DAB1: variants seen among roughly 807,000 people sequenced by gnomAD.
DAB1 encodes DAB adaptor protein 1.
In DAB1, 15 loss-of-function variants were observed where a neutral mutation model predicts 64.6. That is an observed-to-expected ratio of 0.23 (90% confidence interval 0.16 to 0.36). The LOEUF (loss-of-function observed/expected upper bound fraction) is 0.36. Ranked by LOEUF, DAB1 falls within the 10% of genes least tolerant of loss-of-function variation. The pLI is 1.00. For synonymous variants in DAB1, 235 were observed against 251.9 expected, an observed-to-expected ratio of 0.93 and a Z score of 0.64; for missense variants, 596 against 706.7, an observed-to-expected ratio of 0.84 and a Z score of 1.78.
chr1:57,994,755 A>AT (rs1646399802), intron 5 of DAB1, among the ~76,000 whole-genome samples: 2 of 152,178 alleles, frequency 1.3e-5, no homozygotes, highest in South Asian at 4.1e-4. Context: ...AGAATAGATG[A>AT]GCATACACCT....
chr1:58,421,732 G>C (rs777991186), intron 3 of DAB1, among the ~76,000 whole-genome samples: 61 of 152,306 alleles, frequency 4.0e-4, no homozygotes, highest in Non-Finnish European at 7.6e-4. Flanking sequence ...CTGGTGGAGA[G>C]AGGACTCAGA....
intron 5 of DAB1, among the ~76,000 whole-genome samples, chr1:58,075,812 C>T (rs74456100): frequency 0.028 from 4,338 of 152,246 alleles, 191 homozygotes; most frequent in African/African-American, 0.099. Context: ...CTGGCTCTAT[C>T]TCTGTCCCTC....
At chr1:58,156,961 G>A (rs762735922) in intron 4 of DAB1, among the ~76,000 whole-genome samples, 17 of 152,158 alleles carry the variant, frequency 1.1e-4, no homozygotes, top group African/African-American at 4.1e-4. Context: ...TGTGTAAAAT[G>A]GTAGTAACAG....
chr1:58,177,175 T>C (rs954927593), intron 4 of DAB1, among the ~76,000 whole-genome samples: 12 of 152,290 alleles, frequency 7.9e-5, no homozygotes, highest in African/African-American at 2.6e-4. Context: ...AGGAAAATGA[T>C]AAGCTAGAAC....
chr1:57,084,823 T>C (rs999642367), intron 4 of DAB1, among the ~76,000 whole-genome samples: 3 of 152,144 alleles, frequency 2.0e-5, no homozygotes, highest in Admixed American at 2.0e-4. Context: ...TATCCAATTA[T>C]TTCCCATTTA....
At chr1:57,166,173 A>G (rs1266167062) in intron 2 of DAB1, among the ~76,000 whole-genome samples, 3 of 152,126 alleles carry the variant, frequency 2.0e-5, no homozygotes, top group African/African-American at 7.2e-5. Context: ...AGGTATTGTT[A>G]TTTTTTTAAT....
downstream of DAB1, among the ~76,000 whole-genome samples, chr1:57,821,249 C>T (rs1652104652): frequency 6.6e-6 from 1 of 151,988 alleles, no homozygotes; most frequent in Non-Finnish European, 1.5e-5. Context: ...ATGATGCAGC[C>T]AGCACGTATG....
chr1:58,242,512 T>G (rs746307957), intron 4 of DAB1, among the ~76,000 whole-genome samples: 1 of 152,132 alleles, frequency 6.6e-6, no homozygotes. Context: ...TAGTTATACA[T>G]CTAAAGAGAT....
chr1:57,946,862 T>C (rs1645191622), intron 5 of DAB1, among the ~76,000 whole-genome samples: 1 of 152,214 alleles, frequency 6.6e-6, no homozygotes, highest in South Asian at 2.1e-4. Context: ...ATATGCTTCC[T>C]GCAGGGACCC....
rs143150005 is a variant in DAB1, at chr1:57,869,179, G to A, written n.87+14820C>T. Among the ~76,000 whole-genome samples, 661 of 152,126 alleles carry A rather than the reference G, an allele frequency of 4.3e-3. 1 individual carries two copies. Among genetic ancestry groups the A allele is most frequent in the Admixed American group, 6.8e-3 (104 of 15,264 alleles). On this transcript the variant is annotated intron_variant and non_coding_transcript_variant, in intron 1 of 1. Coordinates refer to the DAB1 transcript ENST00000477280. Reference sequence around the variant, plus strand: ...ACTAAGGAAAAGTGACTTATCCTTCGTCTCTGAGAGTATTTCCTCATGGGT... The same window carrying A: ...ACTAAGGAAAAGTGACTTATCCTTCATCTCTGAGAGTATTTCCTCATGGGT...
intron 6 of DAB1, among the ~76,000 whole-genome samples, chr1:57,739,426 ACTCCCCTCCCCTCCCCTCCC>A (rs1557452975): frequency 1.5e-4 from 2 of 13,356 alleles, no homozygotes; most frequent in African/African-American, 3.5e-4. Context: ...CCATAATCCA[ACTCCCCTCCCCTCCCCTCCC>A]CTCCCCTCCC....
rs527356354 is a variant in DAB1 at position 57,252,385 on chromosome 1, A to G, written c.67+38579T>C. Reference sequence around the variant, plus strand: ...CAGGGCCCTGAGTCTATTTGATTCCATTGATAATAACAATAAACCTCAGGA... The same window carrying G: ...CAGGGCCCTGAGTCTATTTGATTCCGTTGATAATAACAATAAACCTCAGGA... On this transcript the variant is annotated intron_variant, in intron 2 of 14. Transcript: ENST00000371236. 6.6e-5 allele frequency among the ~76,000 whole-genome samples: 10 copies of G among 152,340 alleles called. No homozygotes were observed. The East Asian group carries it at 1.5e-3, about 24-fold the overall frequency.
chr1:58,376,018 C>T (rs1015448036), intron 3 of DAB1, among the ~76,000 whole-genome samples: 232 of 151,106 alleles, frequency 1.5e-3, no homozygotes, highest in Non-Finnish European at 2.2e-3. Context: ...TCTGTGGGAT[C>T]GGTGGTGATA....
intron 4 of DAB1, among the ~76,000 whole-genome samples, chr1:58,330,147 T>C (rs1050375307): frequency 6.6e-6 from 1 of 152,216 alleles, no homozygotes; most frequent in Non-Finnish European, 1.5e-5. Context: ...CTCCAGTGCA[T>C]ACATGAATGA....
chr1:57,316,537 C>T (rs1038621894), intron 1 of DAB1, among the ~76,000 whole-genome samples: 5 of 152,066 alleles, frequency 3.3e-5, no homozygotes, highest in Admixed American at 6.6e-5. Context: ...TTATTGGCAG[C>T]GCTAAAATGG....
At chr1:57,664,561 T>C (rs938927159) in intron 6 of DAB1, among the ~76,000 whole-genome samples, 8 of 152,270 alleles carry the variant, frequency 5.3e-5, no homozygotes, top group African/African-American at 1.9e-4. Flanking sequence ...TTTGATAATA[T>C]GTAATAAAAA....
At chr1:57,074,189 G>T (rs1198517446) in intron 4 of DAB1, among the ~76,000 whole-genome samples, 1 of 152,178 alleles carries the variant, frequency 6.6e-6, no homozygotes, top group Non-Finnish European at 1.5e-5. Context: ...AATTATATCA[G>T]CTTAGTGTTG....
intron 5 of DAB1, among the ~76,000 whole-genome samples, chr1:58,069,441 T>C (rs1028466494): frequency 6.6e-6 from 1 of 152,196 alleles, no homozygotes; most frequent in African/African-American, 2.4e-5. Flanking sequence ...ATAACAAGAA[T>C]TGTAACTATC....
At chr1:57,034,034 C>A (rs1053028346) in intron 9 of DAB1, among the ~76,000 whole-genome samples, 1 of 152,154 alleles carries the variant, frequency 6.6e-6, no homozygotes, top group Non-Finnish European at 1.5e-5. Context: ...GTAATCCCAG[C>A]ACTTTGGGAG....
Sources: gnomAD v4.1 joint callset for allele counts (sites outside exome capture counted in the v4.1 genomes callset) on GRCh38, gnomAD v4.1.1 for gene constraint, MANE v1.5 for transcripts, NCBI Gene and HGNC (gene_info 2026-07-23, HGNC 2026-07-21) for gene names.